The following PTPRN2 variants were observed in gnomAD, a reference collection of about 807,000 sequenced individuals.
The protein encoded by PTPRN2 is protein tyrosine phosphatase receptor type N2, also known as receptor-type tyrosine-protein phosphatase N2.
Under a neutral mutation model 118.8 loss-of-function variants are expected in PTPRN2, and 74 were observed. That is an observed-to-expected ratio of 0.62 (90% CI 0.52 to 0.76). The LOEUF (loss-of-function observed/expected upper bound fraction) is 0.76, where lower values mean the gene tolerates loss of function less well. Ranked by LOEUF, PTPRN2 falls within the 30% of genes least tolerant of loss-of-function variation. The pLI is 0.00. For missense variants in PTPRN2, 1,481 were observed against 1,394.4 expected, an observed-to-expected ratio of 1.06 and a Z score of -0.99; for synonymous variants, 641 against 608.0, an observed-to-expected ratio of 1.05 and a Z score of -0.80.
chr7:158,323,042 A>T (rs928672072), intron 2 of PTPRN2, among the ~76,000 whole-genome samples: 2 of 152,238 alleles, frequency 1.3e-5, no homozygotes, highest in Admixed American at 6.5e-5. Context: ...CATGCTACCC[A>T]GCCCATGCAC....
chr7:158,577,174 TC>T (rs1296387785), intron 1 of PTPRN2, among the ~76,000 whole-genome samples: 2 of 120,894 alleles, frequency 1.7e-5, no homozygotes, highest in African/African-American at 6.9e-5. Context: ...CACTGAGGGC[TC>T]CCCACCCTGC....
Position 157,622,975 on chromosome 7 carries a change from T to TTCA in PTPRN2, c.2197-1469_2197-1467dup, listed in dbSNP as rs1423466203. ...GCTGCTCTGAGCCAAAGCGAACGAG[T>TTCA]TCATCTACTCCCGTCACCAGCCCCG... On this transcript the variant is annotated intron_variant, in intron 14 of 22. Coordinates refer to ENST00000389418, the MANE Select transcript of PTPRN2 (RefSeq NM_002847.5). This position sits in a 1 kb window ranked among gnomAD's most constrained non-coding sequence, Gnocchi z 5.3. Among the ~76,000 whole-genome samples, 1 of 152,078 alleles carries TTCA rather than the reference T, an allele frequency of 6.6e-6. No individual in the cohort carries two copies. Among genetic ancestry groups the TTCA allele is most frequent in the African/African-American group, 2.4e-5 (1 of 41,396 alleles).
At chr7:158,419,037 C>T (rs1398959405) in intron 2 of PTPRN2, among the ~76,000 whole-genome samples, 5 of 152,262 alleles carry the variant, frequency 3.3e-5, no homozygotes, top group African/African-American at 9.6e-5. Context: ...ATAGTCCTTG[C>T]CACTTCTCCT....
chr7:157,671,870 G>A lies in PTPRN2; in HGVS notation c.2001+10855C>T, dbSNP rs1363130871. Reference sequence around the variant, plus strand: ...CCTGCTGGGAATCCCGGTCTCAGAGGTCTCAGCTCTGACCGAAGGGTGCTG... The same window carrying A: ...CCTGCTGGGAATCCCGGTCTCAGAGATCTCAGCTCTGACCGAAGGGTGCTG... On this transcript the variant is annotated intron_variant, in intron 13 of 22. Transcript: ENST00000389418. The surrounding 1 kb of genome is among the most constrained non-coding windows in gnomAD (Gnocchi z 4.1). Among the ~76,000 whole-genome samples the A allele has an allele frequency of 2.6e-5, 4 of 152,152 alleles. No homozygotes were observed. Among genetic ancestry groups the A allele is most frequent in the African/African-American group, 9.7e-5 (4 of 41,426 alleles).
At chr7:157,706,186 C>T (rs1014743047) in intron 12 of PTPRN2, among the ~76,000 whole-genome samples, 3 of 151,894 alleles carry the variant, frequency 2.0e-5, no homozygotes, top group Non-Finnish European at 4.4e-5. Context: ...GCACTACACC[C>T]CTCCCAATGC....
intron 3 of PTPRN2, among the ~76,000 whole-genome samples, chr7:158,270,831 GATGACCCCCTCACCTGGACC>G (rs1798342758): frequency 2.8e-4 from 2 of 7,176 alleles, no homozygotes; most frequent in East Asian, 6.6e-3. Context: ...CCTCCACCTG[GATGACCCCCTCACCTGGACC>G]GCCCCCCCAC....
In PTPRN2 at chr7:158,003,964, G is replaced by A. The variant is rs1232856644; in HGVS notation, c.1723+77334C>T. Among the ~76,000 whole-genome samples, 5 of 152,166 alleles carry A rather than the reference G, an allele frequency of 3.3e-5. No individual in the cohort carries two copies. The South Asian group carries it at 6.2e-4, about 19-fold the overall frequency. ...CTACTGTCATAGCAGTATAGGAAAC[G>A]TGTCAGCACCTTGGGAGCCTGGCCA... On this transcript the variant is annotated intron_variant, in intron 11 of 22. Transcript: ENST00000389418. The surrounding 1 kb of genome is among the most constrained non-coding windows in gnomAD (Gnocchi z 5.0).
intron 1 of PTPRN2, among the ~76,000 whole-genome samples, chr7:158,562,107 G>A (rs1827428144): frequency 6.6e-6 from 1 of 152,190 alleles, no homozygotes; most frequent in Admixed American, 6.5e-5. Context: ...GTAACAGAAT[G>A]CCACAGGTCG....
chr7:158,325,279 A>G (rs781493865), intron 2 of PTPRN2, among the ~76,000 whole-genome samples: 1 of 152,104 alleles, frequency 6.6e-6, no homozygotes, highest in Non-Finnish European at 1.5e-5. Flanking sequence ...CCTCCTGCTT[A>G]CAGGCGCCTG....
intron 11 of PTPRN2, among the ~76,000 whole-genome samples, chr7:157,961,013 A>C (rs1353521694): frequency 6.6e-6 from 1 of 152,194 alleles, no homozygotes; most frequent in Non-Finnish European, 1.5e-5. Flanking sequence ...TCTCAAAAAC[A>C]AAAACAAAAC....
intron 12 of PTPRN2, among the ~76,000 whole-genome samples, chr7:157,706,962 AC>A (rs1195234327): frequency 1.4e-5 from 2 of 145,180 alleles, no homozygotes; most frequent in Admixed American, 1.4e-4. Flanking sequence ...TCAAGGTGGA[AC>A]ACATCCTTCC....
intron 1 of PTPRN2, among the ~76,000 whole-genome samples, chr7:158,519,963 C>T (rs990195114): frequency 2.0e-5 from 3 of 152,240 alleles, no homozygotes; most frequent in African/African-American, 7.2e-5. Flanking sequence ...GCAATGACTA[C>T]TCTGCCAAAC....
rs1450699200 is a variant in PTPRN2 at position 157,805,762 on chromosome 7, GCAATTCAAAAGGGAGAGAGA to G, written c.1788+92891_1788+92910del. Reference sequence around the variant, plus strand: ...CAGTGTTTTGCAAAGCAGAACAGAAGCAATTCAAAAGGGAGAGAGACACAGCCAGAGGCCCCAGGAGCCCC... The same window carrying G: ...CAGTGTTTTGCAAAGCAGAACAGAAGCACAGCCAGAGGCCCCAGGAGCCCC... On this transcript the variant is annotated intron_variant, in intron 12 of 22. Coordinates refer to ENST00000389418, the MANE Select transcript of PTPRN2 (RefSeq NM_002847.5). 1.1e-4 allele frequency among the ~76,000 whole-genome samples: 17 copies of G among 152,186 alleles called. No individual in the cohort carries two copies. The South Asian group carries it at 1.9e-3, about 17-fold the overall frequency.
chr7:158,262,684 A>G (rs1039470698), intron 3 of PTPRN2, among the ~76,000 whole-genome samples: 14 of 150,932 alleles, frequency 9.3e-5, no homozygotes, highest in Admixed American at 2.6e-4. Context: ...TCACACATAC[A>G]CACATTCACA....
intron 19 of PTPRN2, among the ~76,000 whole-genome samples, chr7:157,571,998 T>A (rs1334498996): frequency 1.3e-5 from 2 of 152,244 alleles, no homozygotes. Context: ...GGTAAGGATA[T>A]CTAAATTACG....
chr7:157,582,853 A>G lies in PTPRN2; in HGVS notation c.2497-4713T>C, dbSNP rs538276515. 3.3e-5 allele frequency among the ~76,000 whole-genome samples: 5 copies of G among 151,214 alleles called. No homozygotes were observed. In the East Asian group the frequency reaches 9.7e-4, roughly 29 times the overall value. ...CGTGTCATTGCACTCCAGCCTGGGT[A>G]ACAAGAGCAAAACTCCACCTCAAAA... is the stretch of plus-strand genomic sequence containing the variant. On this transcript the variant is annotated intron_variant, in intron 17 of 22. Coordinates refer to ENST00000389418, the MANE Select transcript of PTPRN2 (RefSeq NM_002847.5).
chr7:158,117,046 C>T (rs1816781100), intron 9 of PTPRN2, among the ~76,000 whole-genome samples: 1 of 144,520 alleles, frequency 6.9e-6, no homozygotes, highest in Non-Finnish European at 1.5e-5. Context: ...CAAGAAACTA[C>T]AGCCCATTCA....
At chr7:158,441,216 A>ATGGTGG (rs1563296405) in intron 2 of PTPRN2, among the ~76,000 whole-genome samples, 1 of 104,950 alleles carries the variant, frequency 9.5e-6, no homozygotes, top group Non-Finnish European at 2.1e-5. Context: ...GGTGGTGGTG[A>ATGGTGG]TGGTGATAGT....
chr7:157,794,316 G>A lies in PTPRN2; in HGVS notation c.1788+104357C>T, dbSNP rs1052130172. Among the ~76,000 whole-genome samples the A allele has an allele frequency of 6.6e-6, 1 of 151,586 alleles. No individual in the cohort carries two copies. Among genetic ancestry groups the A allele is most frequent in the Non-Finnish European group, 1.5e-5 (1 of 67,974 alleles). Reference sequence around the variant, plus strand: ...CTCCCCTCGTTCTCTGCTCTGACCCGGGCTCACACCTCCCTGCTCCACCCA... The same window carrying A: ...CTCCCCTCGTTCTCTGCTCTGACCCAGGCTCACACCTCCCTGCTCCACCCA... On this transcript the variant is annotated intron_variant, in intron 12 of 22. Coordinates refer to ENST00000389418, the MANE Select transcript of PTPRN2 (RefSeq NM_002847.5). This position sits in a 1 kb window ranked among gnomAD's most constrained non-coding sequence, Gnocchi z 5.2.
Sources: allele counts gnomAD v4.1 joint callset (sites outside exome capture counted in the v4.1 genomes callset), GRCh38; gene constraint gnomAD v4.1.1; non-coding constraint Gnocchi (gnomAD v3.1); transcripts MANE v1.5; gene names NCBI Gene and HGNC (gene_info 2026-07-23, HGNC 2026-07-21).